Variants in ALK observed in about 807,000 individuals in gnomAD.
ALK encodes the protein ALK tyrosine kinase receptor.
ALK carries 74 observed loss-of-function variants against 163.1 expected under a neutral mutation model. The observed-to-expected ratio is 0.45, with a 90% CI of 0.38 to 0.55. ALK has a LOEUF of 0.55. ALK is among the 20% of genes least tolerant of loss of function. ALK has a pLI of 0.00. For synonymous variants in ALK, 960 were observed against 843.2 expected (o/e 1.14, Z -2.40); for missense variants, 2,063 against 2,105.3 (o/e 0.98, Z 0.39).
intron 4 of ALK, among the ~76,000 whole-genome samples, chr2:29,490,736 A>G (rs539630215): frequency 6.6e-6 from 1 of 152,364 alleles, no homozygotes; most frequent in African/African-American, 2.4e-5. Context: ...AAAGGAAACC[A>G]GTTATACTGA....
intron 1 of ALK, among the ~76,000 whole-genome samples, chr2:29,814,874 C>G (rs779991156): frequency 1.3e-5 from 2 of 151,634 alleles, no homozygotes; most frequent in Admixed American, 6.6e-5. Flanking sequence ...TGCCTAGCAA[C>G]TAGTAAACTG....
chr2:29,801,241 A>G (rs939299103), intron 1 of ALK, among the ~76,000 whole-genome samples: 2 of 152,200 alleles, frequency 1.3e-5, no homozygotes, highest in African/African-American at 4.8e-5. Flanking sequence ...GAAACATGGA[A>G]AACAATAACC....
At chr2:29,791,632 AAT>A (rs138726243) in intron 1 of ALK, among the ~76,000 whole-genome samples, 4,444 of 150,636 alleles carry the variant, frequency 0.03, 73 homozygotes, top group East Asian at 0.076. Flanking sequence ...TATAATTAAA[AAT>A]ATATATATAT....
At chr2:29,786,669 G>A (rs191423417) in intron 1 of ALK, among the ~76,000 whole-genome samples, 1 of 152,320 alleles carries the variant, frequency 6.6e-6, no homozygotes, top group East Asian at 1.9e-4. Flanking sequence ...AGTTGTGGGA[G>A]CCCAAAGTCC....
chr2:29,265,007 G>T (rs1665181374), intron 11 of ALK, among the ~76,000 whole-genome samples: 1 of 146,064 alleles, frequency 6.8e-6, no homozygotes, highest in Admixed American at 6.9e-5. Context: ...AGGGTGCCCT[G>T]TTTTTTTTTT....
intron 3 of ALK, among the ~76,000 whole-genome samples, chr2:29,678,534 T>G (rs923033507): frequency 6.6e-6 from 1 of 151,572 alleles, no homozygotes; most frequent in Non-Finnish European, 1.5e-5. Flanking sequence ...CTATTTCCCA[T>G]GCAATTGATT....
intron 3 of ALK, among the ~76,000 whole-genome samples, chr2:29,654,133 G>A (rs1477858049): frequency 6.6e-6 from 1 of 152,182 alleles, no homozygotes; most frequent in Non-Finnish European, 1.5e-5. Context: ...CACTGGCATA[G>A]TCCAACAGCC....
intron 19 of ALK, 105 bp from the exon 20 acceptor site, chr2:29,223,633 C>A (rs2148171524): frequency 9.5e-7 from 1 of 1,056,786 alleles, no homozygotes; most frequent in East Asian, 2.6e-5. Flanking sequence ...ATATCCTCCC[C>A]TGAGCTCTGA....
intron 25 of ALK, 149 bp from the exon 26 acceptor site, chr2:29,207,421 G>T: frequency 1.4e-6 from 1 of 710,678 alleles, no homozygotes. Flanking sequence ...CAGGAGGAGA[G>T]CAGGGGCACA....
At chr2:29,854,863 T>C (rs896839437) in intron 1 of ALK, among the ~76,000 whole-genome samples, 3 of 152,238 alleles carry the variant, frequency 2.0e-5, no homozygotes, top group Non-Finnish European at 4.4e-5. Context: ...TGTGCGTGCA[T>C]ACTTTCTTTT....
At chr2:29,482,146 G>C (rs1203398017) in intron 4 of ALK, among the ~76,000 whole-genome samples, 18 of 152,118 alleles carry the variant, frequency 1.2e-4, no homozygotes, top group Non-Finnish European at 2.9e-5. Flanking sequence ...CCAGTACCGG[G>C]AATGAAAACC....
rs533980070 is a variant in ALK, at chr2:29,887,062, G to A, written c.667+32931C>T. ...TGTCCAGTGCTTTCACATTTTACTG[G>A]GCCTACAGTTAGCTTGCTGCCTAAC... On this transcript the variant is annotated intron_variant, in intron 1 of 28. Coordinates refer to ENST00000389048, the MANE Select transcript of ALK (RefSeq NM_004304.5). Among the ~76,000 whole-genome samples, 4 of 152,212 alleles carry A rather than the reference G, an allele frequency of 2.6e-5. No individual in the cohort carries two copies. The South Asian group carries it at 8.3e-4, about 32-fold the overall frequency.
chr2:29,707,413 C>T (rs1678944025), intron 2 of ALK, among the ~76,000 whole-genome samples: 1 of 152,120 alleles, frequency 6.6e-6, no homozygotes, highest in Non-Finnish European at 1.5e-5. Flanking sequence ...TTGCCCATAC[C>T]TAACTCTAAG....
intron 1 of ALK, among the ~76,000 whole-genome samples, chr2:29,840,939 T>A (rs142915547): frequency 6.6e-6 from 1 of 152,210 alleles, no homozygotes; most frequent in African/African-American, 2.4e-5. Flanking sequence ...TAGATACGGC[T>A]ACTGTTATCT....
intron 3 of ALK, among the ~76,000 whole-genome samples, chr2:29,653,892 T>C (rs1178881255): frequency 6.6e-6 from 1 of 151,952 alleles, no homozygotes; most frequent in East Asian, 1.9e-4. Context: ...CAAAACCCTA[T>C]CCCTACTAAA....
At chr2:29,422,237 C>T (rs1383251703) in intron 4 of ALK, among the ~76,000 whole-genome samples, 1 of 149,256 alleles carries the variant, frequency 6.7e-6, no homozygotes, top group Non-Finnish European at 1.5e-5. Context: ...TTTGGAAGAA[C>T]CTAACAGTTC....
At chr2:29,652,818 G>A (rs559993440) in intron 3 of ALK, among the ~76,000 whole-genome samples, 1 of 152,224 alleles carries the variant, frequency 6.6e-6, no homozygotes, top group Admixed American at 6.5e-5. Context: ...GAGGGCATGG[G>A]AGCACCACAC....
chr2:29,743,918 C>T (rs956567285), intron 1 of ALK, among the ~76,000 whole-genome samples: 4 of 150,732 alleles, frequency 2.7e-5, no homozygotes, highest in Non-Finnish European at 5.9e-5. Context: ...ATGGAGGTCT[C>T]GAGATACATA....
chr2:29,273,917 TGA>T (rs1665460218), intron 11 of ALK, among the ~76,000 whole-genome samples: 1 of 152,154 alleles, frequency 6.6e-6, no homozygotes. Context: ...GACATTGGCA[TGA>T]ACTGGGAGGT....
Sources: allele counts gnomAD v4.1 joint callset (sites outside exome capture counted in the v4.1 genomes callset), GRCh38; gene constraint gnomAD v4.1.1; transcripts MANE v1.5; gene names NCBI Gene and HGNC (gene_info 2026-07-23, HGNC 2026-07-21).